Variants in ZBTB20 observed in about 807,000 individuals in gnomAD.
ZBTB20 encodes zinc finger and BTB domain containing 20.
Under a neutral mutation model 56.9 loss-of-function variants are expected in ZBTB20, and 9 were observed. The ratio of observed to expected loss-of-function variants is 0.16; its 90% CI spans 0.10 to 0.28. The LOEUF is 0.28. Among genes scored for constraint, ZBTB20 ranks in the 10% least tolerant of loss-of-function variants. ZBTB20 has a pLI of 1.00. For missense variants in ZBTB20, 655 were observed against 1,003.0 expected (o/e 0.65, Z 4.69); for synonymous variants, 417 against 420.7 (o/e 0.99, Z 0.11).
At chr3:115,042,007 C>CTCCA (rs2081163811) in intron 2 of ZBTB20, among the ~76,000 whole-genome samples, 1 of 152,104 alleles carries the variant, frequency 6.6e-6, no homozygotes, top group Non-Finnish European at 1.5e-5. Context: ...TCTCTTGCCA[C>CTCCA]TCCATCCCCA....
At chr3:114,367,453 T>C (rs1352633284) in intron 10 of ZBTB20, among the ~76,000 whole-genome samples, 1 of 152,114 alleles carries the variant, frequency 6.6e-6, no homozygotes, top group East Asian at 1.9e-4. Context: ...GAGATGGGGT[T>C]TCACTATGTT....
At chr3:114,367,599 A>G (rs2082551648) in intron 10 of ZBTB20, among the ~76,000 whole-genome samples, 1 of 152,218 alleles carries the variant, frequency 6.6e-6, no homozygotes, top group South Asian at 2.1e-4. Context: ...GAAGACAAAA[A>G]GGAACTTAAC....
chr3:114,985,942 C>T (rs2078521282), intron 2 of ZBTB20, among the ~76,000 whole-genome samples: 1 of 152,044 alleles, frequency 6.6e-6, no homozygotes, highest in South Asian at 2.1e-4. Flanking sequence ...AAGCAATAAA[C>T]ATATAAACAA....
intron 10 of ZBTB20, among the ~76,000 whole-genome samples, chr3:114,361,994 G>A (rs951740204): frequency 1.3e-5 from 2 of 152,190 alleles, no homozygotes; most frequent in Admixed American, 1.3e-4. Context: ...CAATGTCAAT[G>A]TTGGAGACCA....
intron 4 of ZBTB20, among the ~76,000 whole-genome samples, chr3:114,814,215 ATTTTATT>A (rs1444642616): frequency 6.7e-6 from 1 of 149,990 alleles, no homozygotes; most frequent in Admixed American, 6.6e-5. Context: ...CTGTTTACCC[ATTTTATT>A]TTTTATTTAC....
Position 114,444,648 on chromosome 3 carries a change from A to C in ZBTB20, c.-254-55543T>G, listed in dbSNP as rs371801429. On this transcript the variant is annotated intron_variant, in intron 7 of 11. Coordinates refer to ENST00000675478, the MANE Select transcript of ZBTB20 (RefSeq NM_001348800.3). ...AGCATTTTATCTCTTCTCTGTGTTT[A>C]AGTTTTCTTATTGGCAAAATGAGTA... 1.9e-4 allele frequency among the ~76,000 whole-genome samples: 29 copies of C among 152,186 alleles called. 1 individual carries two copies. The highest frequency in any genetic ancestry group is 7.0e-4 in the African/African-American group (29 of 41,546).
At chr3:114,485,922 T>C (rs2042070073) in intron 7 of ZBTB20, among the ~76,000 whole-genome samples, 2 of 152,102 alleles carry the variant, frequency 1.3e-5, no homozygotes, top group African/African-American at 2.4e-5. Flanking sequence ...TCAGGTATTT[T>C]GTTATAGCAG....
chr3:114,973,404 G>A (rs2077969249), intron 3 of ZBTB20, among the ~76,000 whole-genome samples: 1 of 152,200 alleles, frequency 6.6e-6, no homozygotes, highest in Admixed American at 6.5e-5. Flanking sequence ...GGAAGTATGA[G>A]AATGAAGTTT....
At chr3:114,577,846 T>C (rs2054250612) in intron 6 of ZBTB20, among the ~76,000 whole-genome samples, 1 of 152,306 alleles carries the variant, frequency 6.6e-6, no homozygotes, top group Admixed American at 6.5e-5. Context: ...GGATTGGGAC[T>C]GAGAAGATCC....
Position 114,327,164 on chromosome 3 carries a change from C to T in ZBTB20, c.*11841G>A, listed in dbSNP as rs556334414. On this transcript the variant is annotated 3_prime_UTR_variant, in exon 12 of 12. Coordinates refer to ENST00000675478, the MANE Select transcript of ZBTB20 (RefSeq NM_001348800.3). ...CAATAATAAATTCACACCCTGGAGTCTCTAGAATATCAAACAGGATTTAGA... is the reference window on the plus strand; with the variant it reads ...CAATAATAAATTCACACCCTGGAGTTTCTAGAATATCAAACAGGATTTAGA... 2.0e-5 allele frequency: 3 copies of T among 152,088 alleles called. No individual in the cohort carries two copies. The highest frequency in any genetic ancestry group is 7.2e-5 in the African/African-American group (3 of 41,434). The allele number at this position is 152,088 out of a possible 1,614,324, so 9.4% of individuals were successfully genotyped here. A position where few individuals can be genotyped will look rare whatever the true frequency, so the allele number is the denominator to read the frequency against.
chr3:114,649,589 C>G (rs1578155909), intron 6 of ZBTB20, among the ~76,000 whole-genome samples: 1 of 151,790 alleles, frequency 6.6e-6, no homozygotes, highest in Admixed American at 6.6e-5. Context: ...GCTGACAACA[C>G]CTTCAGAGAG....
intron 8 of ZBTB20, among the ~76,000 whole-genome samples, chr3:114,382,559 A>C (rs1341684060): frequency 6.6e-6 from 1 of 152,030 alleles, no homozygotes; most frequent in African/African-American, 2.4e-5. Context: ...TATCCTTCAT[A>C]CTTATTAAAT....
At chr3:114,532,448 T>C (rs2047958160) in intron 6 of ZBTB20, among the ~76,000 whole-genome samples, 2 of 152,186 alleles carry the variant, frequency 1.3e-5, no homozygotes, top group African/African-American at 4.8e-5. Context: ...ATTTCTCCTC[T>C]CTGAGCAGGG....
chr3:114,589,019 G>A (rs575083759), intron 6 of ZBTB20, among the ~76,000 whole-genome samples: 1 of 152,220 alleles, frequency 6.6e-6, no homozygotes, highest in Admixed American at 6.5e-5. Flanking sequence ...CAGATCTCAT[G>A]AGAACTCACT....
intron 7 of ZBTB20, among the ~76,000 whole-genome samples, chr3:114,481,767 G>A (rs561189210): frequency 1.1e-4 from 17 of 152,318 alleles, no homozygotes; most frequent in African/African-American, 4.1e-4. Flanking sequence ...AAAGGACAAT[G>A]GGAAGAGATG....
chr3:114,801,848 C>T (rs1227810094), intron 4 of ZBTB20, among the ~76,000 whole-genome samples: 1 of 151,846 alleles, frequency 6.6e-6, no homozygotes, highest in Non-Finnish European at 1.5e-5. Context: ...AGAGTCTGAA[C>T]AACACTCCCT....
rs1453629370 is a variant in ZBTB20 at position 114,331,882 on chromosome 3, C to T, written c.*7123G>A. 1 of 152,146 alleles carries T rather than the reference C, an allele frequency of 6.6e-6. No homozygotes were observed. Among genetic ancestry groups the T allele is most frequent in the African/African-American group, 2.4e-5 (1 of 41,416 alleles). 9.4% of individuals were successfully genotyped at this position (152,146 alleles called of 1,614,324 possible). A position where few individuals can be genotyped will look rare whatever the true frequency, so the allele number is the denominator to read the frequency against. On this transcript the variant is annotated 3_prime_UTR_variant, in exon 12 of 12. Transcript: ENST00000675478. Reference sequence around the variant, plus strand: ...ACAGTTTTGTGCTGAGGGAAGCTCACACTGTGTGTGCACATGTATAAATAA... The same window carrying T: ...ACAGTTTTGTGCTGAGGGAAGCTCATACTGTGTGTGCACATGTATAAATAA...
chr3:115,046,685 T>C (rs1298127676), intron 2 of ZBTB20, among the ~76,000 whole-genome samples: 1 of 152,184 alleles, frequency 6.6e-6, no homozygotes, highest in Non-Finnish European at 1.5e-5. Flanking sequence ...AGTTGCAAAA[T>C]GTAGGTTATG....
intron 7 of ZBTB20, among the ~76,000 whole-genome samples, chr3:114,482,262 G>A (rs967768008): frequency 6.6e-6 from 1 of 152,146 alleles, no homozygotes; most frequent in African/African-American, 2.4e-5. Context: ...TAAAGATGAG[G>A]TGGGCTCTCA....
Sources: allele counts gnomAD v4.1 joint callset (sites outside exome capture counted in the v4.1 genomes callset), GRCh38; gene constraint gnomAD v4.1.1; transcripts MANE v1.5; gene names NCBI Gene and HGNC (gene_info 2026-07-23, HGNC 2026-07-21).